The following OPCML variants were observed in gnomAD, a reference collection of about 807,000 sequenced individuals.
The protein encoded by OPCML is opioid-binding protein/cell adhesion molecule.
A neutral mutation model predicts 37.8 loss-of-function variants in OPCML; 13 were observed. The ratio of observed to expected loss-of-function variants is 0.34; its 90% CI spans 0.22 to 0.55. The LOEUF (loss-of-function observed/expected upper bound fraction) is 0.55, where lower values mean the gene tolerates loss of function less well. Ranked by LOEUF, OPCML falls within the 20% of genes least tolerant of loss-of-function variation. The pLI, the probability that OPCML is intolerant of heterozygous loss-of-function variation, is 0.91. For missense variants in OPCML, 341 were observed against 435.6 expected, an observed-to-expected ratio of 0.78 and a Z score of 1.93; for synonymous variants, 176 against 168.8, an observed-to-expected ratio of 1.04 and a Z score of -0.33.
intron 1 of OPCML, among the ~76,000 whole-genome samples, chr11:133,201,775 T>C (rs891982414): frequency 6.6e-6 from 1 of 152,192 alleles, no homozygotes; most frequent in African/African-American, 2.4e-5. Context: ...ATGTCAACAC[T>C]GGCTAAAGCC....
chr11:132,683,104 TA>T (rs1249221256), intron 2 of OPCML, among the ~76,000 whole-genome samples: 4 of 152,178 alleles, frequency 2.6e-5, no homozygotes, highest in African/African-American at 9.7e-5. Context: ...AATAGAGTAT[TA>T]AAATACTTGT....
intron 1 of OPCML, among the ~76,000 whole-genome samples, chr11:133,316,574 T>C (rs776872139): frequency 1.3e-5 from 2 of 152,166 alleles, no homozygotes; most frequent in Non-Finnish European, 2.9e-5. Context: ...GGCACATGTA[T>C]ACCTATGTAA....
At chr11:133,036,780 C>T (rs573353432) in intron 1 of OPCML, among the ~76,000 whole-genome samples, 7 of 152,336 alleles carry the variant, frequency 4.6e-5, no homozygotes, top group East Asian at 3.9e-4. Context: ...CAGAAAAGAA[C>T]TGGCAGCTTA....
chr11:132,471,753 C>A (rs2096138684), intron 4 of OPCML, among the ~76,000 whole-genome samples: 1 of 152,204 alleles, frequency 6.6e-6, no homozygotes, highest in Admixed American at 6.5e-5. Context: ...CACACCCACT[C>A]TTTATTGAGC....
intron 1 of OPCML, among the ~76,000 whole-genome samples, chr11:133,081,979 C>A (rs1231462614): frequency 6.6e-6 from 1 of 152,150 alleles, no homozygotes; most frequent in Non-Finnish European, 1.5e-5. Flanking sequence ...CCCTCAGCAG[C>A]CCCGGGAAGT....
At chr11:133,207,775 G>A (rs1156959666) in intron 1 of OPCML, among the ~76,000 whole-genome samples, 2 of 152,128 alleles carry the variant, frequency 1.3e-5, no homozygotes, top group African/African-American at 4.8e-5. Flanking sequence ...GGCAGCCCAG[G>A]CTTCTAGATA....
intron 1 of OPCML, chr11:133,421,616 GT>G: frequency 1.0e-6 from 1 of 985,432 alleles, no homozygotes; most frequent in Non-Finnish European, 1.2e-6. Flanking sequence ...ACCATTGAAT[GT>G]TAAGGCTCAG....
At chr11:133,185,931 A>G (rs1938051535) in intron 1 of OPCML, among the ~76,000 whole-genome samples, 1 of 152,248 alleles carries the variant, frequency 6.6e-6, no homozygotes, top group Admixed American at 6.5e-5. Context: ...CTCAGAAGAT[A>G]CATGTGAGTA....
At chr11:133,394,114 C>A (rs11223462) in intron 1 of OPCML, among the ~76,000 whole-genome samples, 53,824 of 152,044 alleles carry the variant, frequency 0.35, 11,563 homozygotes, top group African/African-American at 0.6. Context: ...CTTAACACAC[C>A]CTGTTCCTGG....
At chr11:132,763,189 G>A (rs1466013159) in intron 2 of OPCML, among the ~76,000 whole-genome samples, 1 of 152,128 alleles carries the variant, frequency 6.6e-6, no homozygotes, top group Non-Finnish European at 1.5e-5. Context: ...TACCTCAGTT[G>A]GAAATGCAGA....
At chr11:132,786,502 A>G (rs1947216426) in intron 2 of OPCML, among the ~76,000 whole-genome samples, 1 of 152,186 alleles carries the variant, frequency 6.6e-6, no homozygotes, top group African/African-American at 2.4e-5. Flanking sequence ...ATTTCCTAGT[A>G]TGGTTCCCCT....
At chr11:133,417,895 G>A (rs1397788377) in intron 1 of OPCML, among the ~76,000 whole-genome samples, 1 of 151,980 alleles carries the variant, frequency 6.6e-6, no homozygotes, top group East Asian at 1.9e-4. Flanking sequence ...TTTCAGAAAA[G>A]CAGGTAAATG....
At chr11:133,019,646 C>T (rs1274849189) in intron 1 of OPCML, among the ~76,000 whole-genome samples, 1 of 152,184 alleles carries the variant, frequency 6.6e-6, no homozygotes, top group East Asian at 1.9e-4. Context: ...TAGACTACAA[C>T]ATCTATCTTC....
At chr11:132,923,295 T>G (rs965921603) in intron 2 of OPCML, among the ~76,000 whole-genome samples, 2 of 152,108 alleles carry the variant, frequency 1.3e-5, no homozygotes, top group African/African-American at 2.4e-5. Flanking sequence ...AGAACCAGAC[T>G]CATGGATTTG....
chr11:133,017,699 ATTATAGT>A (rs1450805830), intron 1 of OPCML, among the ~76,000 whole-genome samples: 2 of 152,038 alleles, frequency 1.3e-5, no homozygotes, highest in African/African-American at 4.8e-5. Flanking sequence ...TCTTCTTTAG[ATTATAGT>A]TTATATCTTT....
At chr11:133,052,841 G>A (rs1438996377) in intron 1 of OPCML, among the ~76,000 whole-genome samples, 2 of 152,216 alleles carry the variant, frequency 1.3e-5, no homozygotes, top group Non-Finnish European at 2.9e-5. Flanking sequence ...GCAACAGAGT[G>A]GAAAGCAGAG....
chr11:132,491,789 C>A (rs892394004), intron 4 of OPCML, among the ~76,000 whole-genome samples: 3 of 152,168 alleles, frequency 2.0e-5, no homozygotes, highest in Non-Finnish European at 4.4e-5. Flanking sequence ...GAGGGTGGAT[C>A]TTCAGCAACT....
intron 1 of OPCML, among the ~76,000 whole-genome samples, chr11:133,314,232 CAAAAAAAAAAAAAAAAAAAA>C (rs59843718): frequency 2.0e-5 from 1 of 49,750 alleles, no homozygotes; most frequent in Non-Finnish European, 3.7e-5. Flanking sequence ...GACTCCGTCT[CAAAAAAAAAAAAAAAAAAAA>C]AAAAAAAAAG....
intron 2 of OPCML, among the ~76,000 whole-genome samples, chr11:132,934,441 C>T (rs902724450): frequency 2.0e-5 from 3 of 152,180 alleles, no homozygotes; most frequent in Non-Finnish European, 4.4e-5. Flanking sequence ...TGACTGTTCT[C>T]GCCTTGACTT....
Sources: allele counts gnomAD v4.1 joint callset (sites outside exome capture counted in the v4.1 genomes callset), GRCh38; gene constraint gnomAD v4.1.1; transcripts MANE v1.5; gene names NCBI Gene and HGNC (gene_info 2026-07-23, HGNC 2026-07-21).